BCHE: variants seen among roughly 807,000 people sequenced by gnomAD.
The protein encoded by BCHE is butyrylcholinesterase.
Under a neutral mutation model 51.3 loss-of-function variants are expected in BCHE, and 48 were observed. The observed-to-expected ratio is 0.94, with a 90% CI of 0.74 to 1.19. The LOEUF (loss-of-function observed/expected upper bound fraction) is 1.19. BCHE is among the 50% of genes most tolerant of loss of function. The pLI is 0.00. For missense variants in BCHE, 847 were observed against 708.2 expected, an observed-to-expected ratio of 1.20 and a Z score of -2.23; for synonymous variants, 251 against 238.0, an observed-to-expected ratio of 1.05 and a Z score of -0.50.
chr3:165,797,835 A>C lies in BCHE; in HGVS notation c.1518-11524T>G, dbSNP rs544612941. Among the ~76,000 whole-genome samples, 12 of 152,322 alleles carry C rather than the reference A, an allele frequency of 7.9e-5. No individual in the cohort carries two copies. The South Asian group carries it at 1.2e-3, about 16-fold the overall frequency. On this transcript the variant is annotated intron_variant, in intron 2 of 3. Transcript: ENST00000264381. ...AACTTAGTTTTGTAGTAGCATATAC[A>C]AATCTTAAAATAGCTTGATTTTAAA...
chr3:165,829,702 G>A lies in BCHE; in HGVS notation c.1332C>T (p.Ala444=). The A allele has an allele frequency of 1.9e-6, 3 of 1,613,766 alleles. No homozygotes were observed. The highest frequency in any genetic ancestry group is 1.7e-6 in the Non-Finnish European group (2 of 1,179,886). The change falls in exon 2 of 4, where the codon GCC becomes GCT. Residue 444 remains alanine (A), a synonymous_variant. Coordinates refer to ENST00000264381, the MANE Select transcript of BCHE (RefSeq NM_000055.4). ...TKKFSEWGNN[A]FFYYFEHRSS... is the part of the protein sequence containing the mutation. ...ATCGGTGTTCAAAATAGTAGAAAAA[G>A]GCATTATTTCCCCATTCTGAGAACT... is the stretch of plus-strand genomic sequence containing the variant.
At chr3:165,780,760 A>C (rs1712664720) in intron 3 of BCHE, among the ~76,000 whole-genome samples, 1 of 152,214 alleles carries the variant, frequency 6.6e-6, no homozygotes. Flanking sequence ...GTCAAGAAAC[A>C]ATAGATGCTG....
At chr3:165,803,773 G>A (rs868693894) in intron 2 of BCHE, among the ~76,000 whole-genome samples, 1 of 152,186 alleles carries the variant, frequency 6.6e-6, no homozygotes, top group Middle Eastern at 3.4e-3. Context: ...TGAGGAGAAT[G>A]TTAAAAGTAA....
At chr3:165,777,188 A>C (rs1712504645) in intron 3 of BCHE, among the ~76,000 whole-genome samples, 1 of 151,930 alleles carries the variant, frequency 6.6e-6, no homozygotes, top group Non-Finnish European at 1.5e-5. Context: ...TTCTTGTAGA[A>C]TTTCATGCAA....
At chr3:165,806,173 G>A (rs952844644) in intron 2 of BCHE, among the ~76,000 whole-genome samples, 3 of 151,688 alleles carry the variant, frequency 2.0e-5, no homozygotes, top group African/African-American at 7.3e-5. Context: ...CTCTTGGCAC[G>A]TAATCTAAAA....
intron 2 of BCHE, among the ~76,000 whole-genome samples, chr3:165,788,381 C>G (rs1713041527): frequency 6.6e-6 from 1 of 151,942 alleles, no homozygotes; most frequent in African/African-American, 2.4e-5. Flanking sequence ...TATTAATAAT[C>G]AGAGCTATTC....
At chr3:165,803,897 A>G (rs910995936) in intron 2 of BCHE, among the ~76,000 whole-genome samples, 1 of 152,210 alleles carries the variant, frequency 6.6e-6, no homozygotes, top group Admixed American at 6.5e-5. Flanking sequence ...AGTCATCAGT[A>G]TGTAGATGTT....
chr3:165,795,819 G>A (rs1022109761), intron 2 of BCHE, among the ~76,000 whole-genome samples: 7 of 152,148 alleles, frequency 4.6e-5, no homozygotes, highest in African/African-American at 1.7e-4. Context: ...AGAGTCCATG[G>A]CCAAGTAGCT....
At chr3:165,790,219 G>C (rs900715757) in intron 2 of BCHE, among the ~76,000 whole-genome samples, 1 of 152,058 alleles carries the variant, frequency 6.6e-6, no homozygotes, top group African/African-American at 2.4e-5. Flanking sequence ...GCTGAAGATT[G>C]ATTTTAACCA....
chr3:165,817,703 T>C (rs1714363809), intron 2 of BCHE, among the ~76,000 whole-genome samples: 1 of 152,112 alleles, frequency 6.6e-6, no homozygotes, highest in Admixed American at 6.6e-5. Flanking sequence ...ACATTCTATC[T>C]GCATCTTGCT....
At chr3:165,783,516 A>C (rs935022834) in intron 3 of BCHE, among the ~76,000 whole-genome samples, 14 of 152,096 alleles carry the variant, frequency 9.2e-5, no homozygotes, top group Admixed American at 6.6e-5. Context: ...AGTCTTGCTA[A>C]CTGATTAGCA....
At chr3:165,783,451 A>T (rs895668296) in intron 3 of BCHE, among the ~76,000 whole-genome samples, 1 of 152,120 alleles carries the variant, frequency 6.6e-6, no homozygotes, top group African/African-American at 2.4e-5. Context: ...AAGACAATAA[A>T]CTAGTTTCAA....
rs773207113 is a variant in BCHE, at chr3:165,830,963, C to T, written c.71G>A (p.Gly24Glu). Residue 24 changes from glycine to glutamate, a missense_variant, in exon 2 of 4, where the codon GGG becomes GAG. Gly to Glu is a moderately conservative substitution (Grantham distance 98). Coordinates refer to ENST00000264381, the MANE Select transcript of BCHE (RefSeq NM_000055.4). ...FWFLLLCMLI[G>E]KSHTEDDIII... ...GATGTCATCTTCAGTATGTGACTTC[C>T]CAATAAGCATGCAGAGCAAAAGAAA... 9.9e-6 allele frequency: 16 copies of T among 1,613,686 alleles called. No homozygotes were observed. In the East Asian group the frequency reaches 2.7e-4, roughly 27 times the overall value.
In BCHE at chr3:165,830,645, G is replaced by C. The variant is rs553041362; in HGVS notation, c.389C>G (p.Pro130Arg). ...CAATACAGTGGCATTTTTTGGTTTA[G>C]GTGCTGGAATCCATACATTTAGATA... ...CLYLNVWIPA[P>R]KPKNATVLIW... The change falls in exon 2 of 4, where the codon CCT (proline) becomes CGT (arginine). Residue 130 changes from proline (P) to arginine (R), a missense_variant. Pro to Arg is a moderately radical substitution (Grantham distance 103). Coordinates refer to ENST00000264381, the MANE Select transcript of BCHE (RefSeq NM_000055.4). 8 of 1,613,944 alleles carry C rather than the reference G, an allele frequency of 5.0e-6. No individual in the cohort carries two copies. In the South Asian group the frequency reaches 7.7e-5, roughly 16 times the overall value.
At chr3:165,814,122 T>C (rs1714211299) in intron 2 of BCHE, among the ~76,000 whole-genome samples, 1 of 152,086 alleles carries the variant, frequency 6.6e-6, no homozygotes. Context: ...ATAAGATTAT[T>C]GTTAGTAAAT....
At chr3:165,833,132 G>T (rs1025705159) in intron 1 of BCHE, among the ~76,000 whole-genome samples, 4 of 151,800 alleles carry the variant, frequency 2.6e-5, no homozygotes, top group African/African-American at 7.3e-5. Context: ...TATTTTTTCA[G>T]TTCTGTTTGG....
intron 2 of BCHE, among the ~76,000 whole-genome samples, chr3:165,788,087 A>T (rs1291468125): frequency 6.9e-6 from 1 of 145,758 alleles, no homozygotes; most frequent in Non-Finnish European, 1.5e-5. Flanking sequence ...ATAGATAGAA[A>T]TTTTGGAGTA....
At chr3:165,827,051 A>G (rs1464995330) in intron 2 of BCHE, among the ~76,000 whole-genome samples, 2 of 152,276 alleles carry the variant, frequency 1.3e-5, no homozygotes, top group Admixed American at 6.6e-5. Flanking sequence ...GATTTGGGAC[A>G]TCAAGTCTGT....
chr3:165,813,105 C>T (rs1008556274), intron 2 of BCHE, among the ~76,000 whole-genome samples: 1 of 151,516 alleles, frequency 6.6e-6, no homozygotes, highest in Non-Finnish European at 1.5e-5. Context: ...GAAAAAATAT[C>T]ATAAAATTAG....
Sources: allele counts gnomAD v4.1 joint callset (sites outside exome capture counted in the v4.1 genomes callset), GRCh38; gene constraint gnomAD v4.1.1; transcripts MANE v1.5; gene names NCBI Gene and HGNC (gene_info 2026-07-23, HGNC 2026-07-21).